Variants in TP53BP2 observed in about 807,000 individuals in gnomAD.
The protein encoded by TP53BP2 is tumor protein p53 binding protein 2.
Under a neutral mutation model 126.2 loss-of-function variants are expected in TP53BP2, and 62 were observed. That is an observed-to-expected ratio of 0.49 (90% CI 0.40 to 0.61). TP53BP2 has a LOEUF of 0.61. TP53BP2 is among the 20% of genes least tolerant of loss of function. The pLI, the probability that TP53BP2 is intolerant of heterozygous loss-of-function variation, is 0.00. For synonymous variants in TP53BP2, 485 were observed against 502.9 expected, an observed-to-expected ratio of 0.96 and a Z score of 0.48; for missense variants, 1,215 against 1,402.8, an observed-to-expected ratio of 0.87 and a Z score of 2.14.
intron 4 of TP53BP2, among the ~76,000 whole-genome samples, chr1:223,810,094 G>C (rs532428353): frequency 1.3e-5 from 2 of 151,582 alleles, no homozygotes; most frequent in East Asian, 3.9e-4. Flanking sequence ...CCAAAGTGCT[G>C]GGATAACAGG....
intron 4 of TP53BP2, among the ~76,000 whole-genome samples, chr1:223,808,893 T>C (rs1183017516): frequency 6.6e-6 from 1 of 151,872 alleles, no homozygotes; most frequent in Admixed American, 6.6e-5. Context: ...ATTAGAGAAA[T>C]ACAAATTAAA....
chr1:223,803,057 A>C, intron 7 of TP53BP2, 162 bp from the exon 8 acceptor site: 1 of 891,502 alleles, frequency 1.1e-6, no homozygotes, highest in South Asian at 1.8e-5. Context: ...ACACCTGTGC[A>C]AGACCACCAG....
At chr1:223,800,068 A>G (rs1319277968) in intron 10 of TP53BP2, 21 bp from the exon 11 acceptor site, 2 of 1,590,146 alleles carry the variant, frequency 1.3e-6, no homozygotes, top group South Asian at 1.2e-5. Context: ...AAAAATCACA[A>G]TGACATTCAA....
intron 1 of TP53BP2, among the ~76,000 whole-genome samples, chr1:223,825,087 T>A (rs1372604141): frequency 6.6e-6 from 1 of 151,340 alleles, no homozygotes; most frequent in Non-Finnish European, 1.5e-5. Flanking sequence ...TTTCCCTCCT[T>A]AGCACAGTCA....
At chr1:223,830,821 G>A (rs763192436) in intron 1 of TP53BP2, among the ~76,000 whole-genome samples, 4 of 152,206 alleles carry the variant, frequency 2.6e-5, no homozygotes, top group Admixed American at 6.5e-5. Context: ...ACCATCGGCC[G>A]GGCACAGTGG....
chr1:223,810,357 TAATG>T (rs1662869835), intron 4 of TP53BP2, 70 bp downstream of exon 4: 1 of 1,107,782 alleles, frequency 9.0e-7, no homozygotes. Flanking sequence ...AACAAAGTAA[TAATG>T]AATAAGATTT....
At chr1:223,804,554 T>TC (rs1662650843) in intron 5 of TP53BP2, among the ~76,000 whole-genome samples, 1 of 152,186 alleles carries the variant, frequency 6.6e-6, no homozygotes, top group Non-Finnish European at 1.5e-5. Context: ...TAGAATCTTC[T>TC]GGGGATAAGA....
rs1302026073 is a variant in TP53BP2 at position 223,810,444 on chromosome 1, C to G, written c.359G>C (p.Arg120Thr). Reference sequence around the variant, plus strand: ...ACAACAACTTACACCGTTCTCCTTTCTTCGATATTCACCAGGAACTTTTAC... The same window carrying G: ...ACAACAACTTACACCGTTCTCCTTTGTTCGATATTCACCAGGAACTTTTAC... The part of the protein sequence containing the change: ...NGVKVPGEYR[R>T]KENGVNSPRM... Residue 120 changes from arginine to threonine, a missense_variant, in exon 4 of 18, where the codon AGA becomes ACA. Coordinates refer to ENST00000343537, the MANE Select transcript of TP53BP2 (RefSeq NM_001031685.3). 6.2e-7 allele frequency: 1 copy of G among 1,609,210 alleles called. No individual in the cohort carries two copies.
chr1:223,799,221 A>C (rs1394041498), intron 11 of TP53BP2, among the ~76,000 whole-genome samples: 1 of 152,104 alleles, frequency 6.6e-6, no homozygotes, highest in African/African-American at 2.4e-5. Flanking sequence ...CTCCCACCTC[A>C]GCTTCCCAAA....
In TP53BP2 at chr1:223,796,784, A is replaced by G. The variant is rs1183018325; in HGVS notation, c.1949-194T>C. On this transcript the variant is annotated intron_variant, in intron 12 of 17. Transcript: ENST00000343537. The surrounding 1 kb of genome is among the most constrained non-coding windows in gnomAD (Gnocchi z 4.2). ...TCCATCTTTGCATAATAAACTTATT[A>G]CAGAATCAAAACCCCCACTGATTGT... 6.6e-6 allele frequency among the ~76,000 whole-genome samples: 1 copy of G among 152,264 alleles called. No individual in the cohort carries two copies. The highest frequency in any genetic ancestry group is 1.5e-5 in the Non-Finnish European group (1 of 68,050).
At chr1:223,835,247 A>G (rs1324019314) in intron 1 of TP53BP2, among the ~76,000 whole-genome samples, 1 of 152,266 alleles carries the variant, frequency 6.6e-6, no homozygotes, top group Non-Finnish European at 1.5e-5. Context: ...TTTAAGTAAA[A>G]TTAAGAAACC....
intron 3 of TP53BP2, 60 bp from the exon 4 acceptor site, chr1:223,810,573 C>T: frequency 8.5e-7 from 1 of 1,172,740 alleles, no homozygotes; most frequent in Non-Finnish European, 1.2e-6. Context: ...TTTTAAGAAC[C>T]AGTTCATTTC....
At chr1:223,816,272 G>A (rs1396393339) in intron 2 of TP53BP2, among the ~76,000 whole-genome samples, 1 of 152,160 alleles carries the variant, frequency 6.6e-6, no homozygotes, top group Admixed American at 6.5e-5. Flanking sequence ...AGGCATCCGA[G>A]AAATATTCAC....
In TP53BP2 at chr1:223,803,424, C is replaced by T. The variant is rs376987408; in HGVS notation, c.678G>A (p.Leu226=). ...CGAGCTCCCTCTGTTTTTGCTGGAA[C>T]AAATTATTCATCTGTTCAATTTCCT... ...LVEEIEQMNN[L]FQQKQRELVL... Residue 226 remains leucine, a synonymous_variant, in exon 7 of 18, where the codon TTG becomes TTA. Coordinates refer to ENST00000343537, the MANE Select transcript of TP53BP2 (RefSeq NM_001031685.3). The T allele has an allele frequency of 5.0e-6, 8 of 1,613,086 alleles. No individual in the cohort carries two copies. Among genetic ancestry groups the T allele is most frequent in the African/African-American group, 1.3e-5 (1 of 74,886 alleles).
chr1:223,802,733 G>A lies in TP53BP2; in HGVS notation c.994C>T (p.Pro332Ser). 1.9e-6 allele frequency: 3 copies of A among 1,613,920 alleles called. No individual in the cohort carries two copies. The highest frequency in any genetic ancestry group is 2.5e-6 in the Non-Finnish European group (3 of 1,179,934). Residue 332 changes from proline to serine, a missense_variant and splice_region_variant, in exon 8 of 18, where the codon CCA (proline) becomes TCA (serine). Pro to Ser is a moderately conservative substitution (Grantham distance 74). This residue lies in a region of TP53BP2 where 814 missense variants were observed against 853.0 expected (regional missense o/e 0.95). Transcript: ENST00000343537. ...KAALQQKENL[P>S]VSSDGNLPQQ... ...CCATTACAAAACGGCCCACTTACTGGTAGATTTTCTTTTTGCTGTAGAGCT... is the reference window on the plus strand; with the variant it reads ...CCATTACAAAACGGCCCACTTACTGATAGATTTTCTTTTTGCTGTAGAGCT...
In TP53BP2 at chr1:223,792,374, A is replaced by C; in HGVS notation, c.2996+15T>G. 1 of 1,595,076 alleles carries C rather than the reference A, an allele frequency of 6.3e-7. No individual in the cohort carries two copies. Among genetic ancestry groups the C allele is most frequent in the Admixed American group, 1.7e-5 (1 of 57,324 alleles). ...CACAACTGAAGTTTGACTGGAGTTT[A>C]AAAGAAAATCTTACCATCCATCACT... On this transcript the variant is annotated intron_variant, in intron 15 of 17. Transcript: ENST00000343537.
intron 1 of TP53BP2, among the ~76,000 whole-genome samples, chr1:223,830,575 G>A (rs1663662375): frequency 6.6e-6 from 1 of 150,394 alleles, no homozygotes; most frequent in Non-Finnish European, 1.5e-5. Flanking sequence ...AACTCTAAAT[G>A]CCTGAAGATT....
chr1:223,801,127 G>A (rs577736285), intron 9 of TP53BP2, among the ~76,000 whole-genome samples: 16 of 152,248 alleles, frequency 1.1e-4, no homozygotes, highest in Admixed American at 9.8e-4. Context: ...AGGGTCTAAG[G>A]TGTATTTTAT....
chr1:223,836,157 A>G (rs1489870970), intron 1 of TP53BP2, among the ~76,000 whole-genome samples: 1 of 152,220 alleles, frequency 6.6e-6, no homozygotes, highest in Admixed American at 6.5e-5. Flanking sequence ...CCCACAAGCC[A>G]CGAATGTGCT....
Sources: allele counts gnomAD v4.1 joint callset (sites outside exome capture counted in the v4.1 genomes callset), GRCh38; gene constraint gnomAD v4.1.1; regional missense constraint gnomAD v4.1.1; non-coding constraint Gnocchi (gnomAD v3.1); transcripts MANE v1.5; gene names NCBI Gene and HGNC (gene_info 2026-07-23, HGNC 2026-07-21).